Variants in DLGAP1 observed in about 807,000 individuals in gnomAD.
DLGAP1 encodes disks large-associated protein 1.
DLGAP1 carries 11 observed loss-of-function variants against 90.8 expected under a neutral mutation model. The ratio of observed to expected loss-of-function variants is 0.12; its 90% CI spans 0.08 to 0.20. The LOEUF (loss-of-function observed/expected upper bound fraction) is 0.20, where lower values mean the gene tolerates loss of function less well. Among genes scored for constraint, DLGAP1 ranks in the 10% least tolerant of loss-of-function variants. The pLI, the probability that DLGAP1 is intolerant of heterozygous loss-of-function variation, is 1.00. For synonymous variants in DLGAP1, 558 were observed against 540.7 expected (o/e 1.03, Z -0.44); for missense variants, 1,050 against 1,333.8 (o/e 0.79, Z 3.31).
intron 2 of DLGAP1, among the ~76,000 whole-genome samples, chr18:4,062,924 T>A (rs917138509): frequency 4.6e-5 from 7 of 152,116 alleles, no homozygotes; most frequent in Non-Finnish European, 8.8e-5. Context: ...ATATAATCCT[T>A]AGTGAGGGAT....
intron 1 of DLGAP1, among the ~76,000 whole-genome samples, chr18:4,341,960 A>G (rs2081199026): frequency 1.3e-5 from 2 of 152,032 alleles, no homozygotes; most frequent in Non-Finnish European, 2.9e-5. Context: ...CGTGACTTTG[A>G]GCAAATTACT....
At chr18:4,407,357 G>T (rs780567630) in intron 1 of DLGAP1, among the ~76,000 whole-genome samples, 1 of 152,294 alleles carries the variant, frequency 6.6e-6, no homozygotes, top group East Asian at 1.9e-4. Flanking sequence ...ATAAGTTCTA[G>T]CTAGATGAAA....
At chr18:3,860,113 T>TAAATAAATAAATAAATAAAAAATAA (rs776606565) in intron 4 of DLGAP1, among the ~76,000 whole-genome samples, 6,083 of 141,596 alleles carry the variant, frequency 0.043, 211 homozygotes, top group Middle Eastern at 0.087. Flanking sequence ...AATAAATAAA[T>TAAATAAATAAATAAATAAAAAATAA]AAATAAATTT....
chr18:3,652,270 T>A (rs1417239657), intron 7 of DLGAP1, among the ~76,000 whole-genome samples: 1 of 152,010 alleles, frequency 6.6e-6, no homozygotes, highest in Non-Finnish European at 1.5e-5. Context: ...ATACATTAAA[T>A]CCCTTTGGGG....
chr18:4,005,854 T>C (rs907640865), intron 2 of DLGAP1, among the ~76,000 whole-genome samples: 27 of 152,150 alleles, frequency 1.8e-4, no homozygotes, highest in Non-Finnish European at 2.2e-4. Context: ...AATGTATTGG[T>C]AATTTTTTTT....
At chr18:3,684,458 C>A (rs969722538) in intron 7 of DLGAP1, among the ~76,000 whole-genome samples, 1 of 151,552 alleles carries the variant, frequency 6.6e-6, no homozygotes, top group African/African-American at 2.4e-5. Flanking sequence ...CCTCAGCCTC[C>A]CAAAGTGCTG....
intron 3 of DLGAP1, among the ~76,000 whole-genome samples, chr18:3,900,992 G>A (rs957893629): frequency 2.0e-5 from 3 of 151,890 alleles, no homozygotes; most frequent in African/African-American, 4.8e-5. Flanking sequence ...TGCACAAAAC[G>A]GTCTCTATTC....
At chr18:4,159,837 T>G (rs1036704721) in intron 1 of DLGAP1, among the ~76,000 whole-genome samples, 3 of 152,192 alleles carry the variant, frequency 2.0e-5, no homozygotes, top group Admixed American at 6.5e-5. Flanking sequence ...TCCATTCTCT[T>G]GTTTGTACTT....
At chr18:4,258,632 C>T (rs994579023) in intron 1 of DLGAP1, among the ~76,000 whole-genome samples, 1 of 151,932 alleles carries the variant, frequency 6.6e-6, no homozygotes. Context: ...AAATATTACA[C>T]ATGGCAACTA....
intron 3 of DLGAP1, among the ~76,000 whole-genome samples, chr18:3,904,970 G>A (rs1457971753): frequency 1.3e-5 from 2 of 151,462 alleles, no homozygotes; most frequent in African/African-American, 4.9e-5. Flanking sequence ...AGAAACCTTG[G>A]CCCTATTATT....
intron 7 of DLGAP1, among the ~76,000 whole-genome samples, chr18:3,661,636 G>A (rs577161452): frequency 1.3e-4 from 19 of 150,868 alleles, no homozygotes; most frequent in Non-Finnish European, 2.8e-4. Context: ...GAGTGCAGTG[G>A]CACGGCCTTG....
At chr18:4,436,849 A>G (rs1009918551) in intron 1 of DLGAP1, among the ~76,000 whole-genome samples, 1 of 152,224 alleles carries the variant, frequency 6.6e-6, no homozygotes, top group African/African-American at 2.4e-5. Flanking sequence ...ATGCTTATCA[A>G]AAACACATTA....
At chr18:4,332,847 T>C (rs1181719974) in intron 1 of DLGAP1, among the ~76,000 whole-genome samples, 1 of 151,910 alleles carries the variant, frequency 6.6e-6, no homozygotes, top group African/African-American at 2.4e-5. Context: ...TAATGTCTTA[T>C]TTACCTATAC....
At chr18:3,802,141 T>G (rs144507897) in intron 5 of DLGAP1, among the ~76,000 whole-genome samples, 2 of 152,104 alleles carry the variant, frequency 1.3e-5, no homozygotes, top group Non-Finnish European at 2.9e-5. Flanking sequence ...TGTGCCACCA[T>G]GCCTGGCTAA....
Position 4,063,741 on chromosome 18 carries a change from C to T in DLGAP1, c.-158-58540G>A, listed in dbSNP as rs565208351. 6.2e-4 allele frequency among the ~76,000 whole-genome samples: 95 copies of T among 152,232 alleles called. 1 individual carries two copies. The highest frequency in any genetic ancestry group is 3.4e-3 in the Middle Eastern group (1 of 294). On this transcript the variant is annotated intron_variant, in intron 2 of 12. Coordinates refer to ENST00000315677, the MANE Select transcript of DLGAP1 (RefSeq NM_004746.4). ...TACCCAAGCTTCTTCCTTCCTTTCT[C>T]TCTTAACCTGTTGCCACTAAAGCTG...
chr18:3,877,653 T>C (rs534489559), intron 4 of DLGAP1, among the ~76,000 whole-genome samples: 50 of 152,312 alleles, frequency 3.3e-4, no homozygotes, highest in African/African-American at 1.2e-3. Context: ...GGTTGCAACT[T>C]TCATTAATGG....
chr18:4,450,383 T>G (rs1433448315), intron 1 of DLGAP1, among the ~76,000 whole-genome samples: 2 of 152,158 alleles, frequency 1.3e-5, no homozygotes, highest in Non-Finnish European at 1.5e-5. Context: ...GTAGTAGAAT[T>G]AAAACAGCAA....
chr18:4,363,587 T>G (rs371656426), intron 1 of DLGAP1, among the ~76,000 whole-genome samples: 1 of 152,198 alleles, frequency 6.6e-6, no homozygotes, highest in Admixed American at 6.5e-5. Flanking sequence ...CATCAAAAAG[T>G]GGGCGAAGGA....
chr18:4,215,020 C>T (rs9953137), intron 1 of DLGAP1, among the ~76,000 whole-genome samples: 575 of 152,178 alleles, frequency 3.8e-3, no homozygotes, highest in African/African-American at 0.012. Flanking sequence ...GTTAACTTAT[C>T]GGGAAAGCTG....
Sources: allele counts gnomAD v4.1 joint callset (sites outside exome capture counted in the v4.1 genomes callset), GRCh38; gene constraint gnomAD v4.1.1; transcripts MANE v1.5; gene names NCBI Gene and HGNC (gene_info 2026-07-23, HGNC 2026-07-21).